Variants in ADAMTSL1 observed in about 807,000 individuals in gnomAD.
The protein encoded by ADAMTSL1 is ADAMTS-like protein 1.
In ADAMTSL1, 126 loss-of-function variants were observed where a neutral mutation model predicts 201.8. The ratio of observed to expected loss-of-function variants is 0.62; its 90% CI spans 0.54 to 0.72. The LOEUF (loss-of-function observed/expected upper bound fraction) is 0.72. Ranked by LOEUF, ADAMTSL1 falls within the 30% of genes least tolerant of loss-of-function variation. The probability of loss-of-function intolerance (pLI) is 0.00; values close to 1 mark genes in which losing one functional copy is unlikely to be tolerated. For synonymous variants in ADAMTSL1, 1,121 were observed against 903.4 expected, an observed-to-expected ratio of 1.24 and a Z score of -4.32; for missense variants, 2,679 against 2,277.8, an observed-to-expected ratio of 1.18 and a Z score of -3.59.
rs557126972 is a variant in ADAMTSL1, at chr9:18,576,973, G to A, written c.474+2707G>A. Among the ~76,000 whole-genome samples the A allele has an allele frequency of 6.8e-4, 103 of 152,112 alleles. 1 individual carries two copies. The South Asian group carries it at 0.021, about 31-fold the overall frequency. ...GTTCAAAACTCCTATTCTTTCCAGCGAGGCCAGGTATACAGAGGCGCAGAC... is the reference window on the plus strand; with the variant it reads ...GTTCAAAACTCCTATTCTTTCCAGCAAGGCCAGGTATACAGAGGCGCAGAC... On this transcript the variant is annotated intron_variant, in intron 4 of 28. Coordinates refer to ENST00000380548, the MANE Select transcript of ADAMTSL1 (RefSeq NM_001040272.6).
At chr9:18,657,916 C>A (rs1347315359) in intron 8 of ADAMTSL1, among the ~76,000 whole-genome samples, 166 bp downstream of exon 8, 2 of 152,058 alleles carry the variant, frequency 1.3e-5, no homozygotes, top group African/African-American at 4.8e-5. Flanking sequence ...AGGCAGATAC[C>A]TCCGCCAAGA....
intron 2 of ADAMTSL1, among the ~76,000 whole-genome samples, chr9:18,313,075 G>C (rs1221077262): frequency 1.3e-5 from 2 of 152,182 alleles, no homozygotes; most frequent in Non-Finnish European, 2.9e-5. Context: ...TCAAAGTTTT[G>C]AAGTGGGTTG....
chr9:18,444,801 A>C (rs1396879772), intron 2 of ADAMTSL1, among the ~76,000 whole-genome samples: 3 of 152,134 alleles, frequency 2.0e-5, no homozygotes, highest in African/African-American at 7.2e-5. Context: ...GCCATATTTA[A>C]TGTCTTTCCT....
At chr9:18,173,157 A>T (rs1223047254) in intron 2 of ADAMTSL1, among the ~76,000 whole-genome samples, 4 of 152,180 alleles carry the variant, frequency 2.6e-5, no homozygotes, top group Admixed American at 2.6e-4. Flanking sequence ...TGACTGAGAT[A>T]TTTTATAATG....
intron 2 of ADAMTSL1, among the ~76,000 whole-genome samples, chr9:18,262,013 A>G (rs564008561): frequency 7.9e-5 from 12 of 152,194 alleles, no homozygotes; most frequent in Non-Finnish European, 7.3e-5. Context: ...TGCAATTACA[A>G]TATGTATGGT....
intron 23 of ADAMTSL1, among the ~76,000 whole-genome samples, chr9:18,878,624 C>T (rs1828324284): frequency 6.6e-6 from 1 of 152,228 alleles, no homozygotes; most frequent in African/African-American, 2.4e-5. Flanking sequence ...TTTGGGCACT[C>T]CCAGTTTTTT....
intron 2 of ADAMTSL1, among the ~76,000 whole-genome samples, chr9:18,342,738 G>A (rs767639996): frequency 7.9e-5 from 12 of 151,980 alleles, no homozygotes; most frequent in Non-Finnish European, 1.8e-4. Flanking sequence ...AATCTGTACT[G>A]GTTGTTTATT....
chr9:18,188,860 G>C (rs1195534543), intron 2 of ADAMTSL1, among the ~76,000 whole-genome samples: 1 of 152,178 alleles, frequency 6.6e-6, no homozygotes, highest in Admixed American at 6.5e-5. Flanking sequence ...GCAGCATTAA[G>C]GGCTGTTGGC....
intron 2 of ADAMTSL1, among the ~76,000 whole-genome samples, chr9:18,242,624 C>A (rs1318946535): frequency 6.6e-6 from 1 of 151,876 alleles, no homozygotes; most frequent in Non-Finnish European, 1.5e-5. Context: ...CTCAAAGATA[C>A]CACAAATAAG....
chr9:18,634,424 G>A (rs62549384), intron 5 of ADAMTSL1, among the ~76,000 whole-genome samples: 10,675 of 152,042 alleles, frequency 0.07, 428 homozygotes, highest in Middle Eastern at 0.11. Context: ...CCATCTGGGC[G>A]TAGTGGTGTG....
chr9:18,332,962 G>T (rs1332407847), intron 2 of ADAMTSL1, among the ~76,000 whole-genome samples: 1 of 152,048 alleles, frequency 6.6e-6, no homozygotes, highest in African/African-American at 2.4e-5. Flanking sequence ...GGAATAAAAT[G>T]GTATTATGTA....
At chr9:17,945,514 C>T (rs1209072147) in intron 1 of ADAMTSL1, among the ~76,000 whole-genome samples, 6 of 151,850 alleles carry the variant, frequency 4.0e-5, no homozygotes, top group African/African-American at 1.5e-4. Context: ...GACACATGCA[C>T]ACGTATGTTT....
intron 2 of ADAMTSL1, among the ~76,000 whole-genome samples, chr9:18,391,057 T>G (rs1257140574): frequency 3.3e-5 from 5 of 152,170 alleles, no homozygotes; most frequent in African/African-American, 1.2e-4. Flanking sequence ...TTCTTGGCAG[T>G]CATGAGTGAG....
At chr9:18,388,585 T>C (rs1213968285) in intron 2 of ADAMTSL1, among the ~76,000 whole-genome samples, 4 of 151,914 alleles carry the variant, frequency 2.6e-5, no homozygotes, top group African/African-American at 4.8e-5. Context: ...GGACTTTATA[T>C]TTAACAGAAT....
At chr9:18,781,932 TG>T (rs1563796633) in intron 19 of ADAMTSL1, among the ~76,000 whole-genome samples, 1 of 152,252 alleles carries the variant, frequency 6.6e-6, no homozygotes, top group Non-Finnish European at 1.5e-5. Context: ...CTAATAATTC[TG>T]ATACTACTGT....
chr9:18,261,665 C>A (rs1403188421), intron 2 of ADAMTSL1, among the ~76,000 whole-genome samples: 2 of 152,192 alleles, frequency 1.3e-5, no homozygotes, highest in Non-Finnish European at 2.9e-5. Flanking sequence ...TGTCATTTAT[C>A]AATACGTAGC....
intron 2 of ADAMTSL1, among the ~76,000 whole-genome samples, chr9:18,239,500 A>C (rs1218652729): frequency 6.6e-6 from 1 of 152,132 alleles, no homozygotes; most frequent in African/African-American, 2.4e-5. Context: ...GCATTTTGGG[A>C]GGCCGAGGCA....
intron 20 of ADAMTSL1, among the ~76,000 whole-genome samples, chr9:18,800,376 T>G (rs1220526490): frequency 1.8e-4 from 3 of 16,998 alleles, no homozygotes; most frequent in African/African-American, 3.7e-4. Flanking sequence ...AAACTCCATC[T>G]CAAAAAAAAA....
intron 7 of ADAMTSL1, among the ~76,000 whole-genome samples, chr9:18,644,021 C>A (rs1477596449): frequency 6.6e-6 from 1 of 151,798 alleles, no homozygotes; most frequent in African/African-American, 2.4e-5. Context: ...CACATGATAT[C>A]TTTCCATTAA....
Sources: gnomAD v4.1 joint callset for allele counts (sites outside exome capture counted in the v4.1 genomes callset) on GRCh38, gnomAD v4.1.1 for gene constraint, MANE v1.5 for transcripts, NCBI Gene and HGNC (gene_info 2026-07-23, HGNC 2026-07-21) for gene names.